STARD13: variants seen among roughly 807,000 people sequenced by gnomAD.
STARD13 encodes the protein stAR-related lipid transfer protein 13.
STARD13 carries 62 observed loss-of-function variants against 106.4 expected under a neutral mutation model. That is an observed-to-expected ratio of 0.58 (90% confidence interval 0.48 to 0.72). The LOEUF is 0.72. Among genes scored for constraint, STARD13 ranks in the 30% least tolerant of loss-of-function variants. The probability of loss-of-function intolerance (pLI) is 0.00; values close to 1 mark genes in which losing one functional copy is unlikely to be tolerated. For missense variants in STARD13, 1,387 were observed against 1,424.0 expected (o/e 0.97, Z 0.42); for synonymous variants, 565 against 553.0 (o/e 1.02, Z -0.31).
chr13:33,237,886 A>T (rs781671229), intron 1 of STARD13, among the ~76,000 whole-genome samples: 3 of 152,254 alleles, frequency 2.0e-5, no homozygotes, highest in Non-Finnish European at 4.4e-5. Context: ...GATTCAAAGA[A>T]CTGTTTCATC....
In STARD13 at chr13:33,165,382, T is replaced by A. The variant is rs1883198971; in HGVS notation, c.278A>T (p.Asn93Ile). Residue 93 changes from asparagine (N) to isoleucine (I), a missense_variant, in exon 3 of 14, where the codon AAT becomes ATT. Coordinates refer to ENST00000336934, the MANE Select transcript of STARD13 (RefSeq NM_178006.4). ...GTCCTTTTCAAGAAAATCATGATCA[T>A]TCTTGACAGCCACAATGTTGATGGG... ...QFPINIVAVK[N>I]DHDFLEKDLV... is the part of the protein sequence containing the mutation. 1 of 1,613,902 alleles carries A rather than the reference T, an allele frequency of 6.2e-7. No homozygotes were observed. The highest frequency in any genetic ancestry group is 1.3e-5 in the African/African-American group (1 of 74,936).
the STARD13 span, among the ~76,000 whole-genome samples, chr13:33,362,503 C>G: frequency 6.6e-6 from 1 of 152,160 alleles, no homozygotes; most frequent in African/African-American, 2.4e-5. Context: ...CCTGAGAAAT[C>G]CTTTGGATTT....
At chr13:33,158,671 T>A (rs1882266256) in intron 3 of STARD13, 1 of 152,226 alleles carries the variant, frequency 6.6e-6, no homozygotes, top group Non-Finnish European at 1.5e-5. Flanking sequence ...TGTCTTGGCA[T>A]CCATCATGAC....
At chr13:33,535,134 G>C in the STARD13 span, among the ~76,000 whole-genome samples, 1 of 152,084 alleles carries the variant, frequency 6.6e-6, no homozygotes, top group Non-Finnish European at 1.5e-5. Context: ...AAAATCGCTT[G>C]AACCCAGGAG....
chr13:33,607,984 T>C, the STARD13 span, among the ~76,000 whole-genome samples: 2 of 152,126 alleles, frequency 1.3e-5, no homozygotes, highest in Non-Finnish European at 2.9e-5. Context: ...ATCCTAGCCT[T>C]TGGCAGCCTC....
At position 33,105,541 on chromosome 13, in the gene STARD13, C is replaced by A; in HGVS notation, c.*52G>T. On this transcript the variant is annotated 3_prime_UTR_variant, in exon 14 of 14. Coordinates refer to ENST00000336934, the MANE Select transcript of STARD13 (RefSeq NM_178006.4). ...TCTCACATGCACACTCTCTGCCACA[C>A]TCGTCACTTTAGCTTCCTCTTCCCT... 1 of 1,294,088 alleles carries A rather than the reference C, an allele frequency of 7.7e-7. No homozygotes were observed. The highest frequency in any genetic ancestry group is 1.7e-5 in the Admixed American group (1 of 59,602). 80.2% of individuals were successfully genotyped at this position (1,294,088 alleles called of 1,614,324 possible).
chr13:33,169,105 C>T (rs947467841), intron 1 of STARD13, among the ~76,000 whole-genome samples: 1 of 152,140 alleles, frequency 6.6e-6, no homozygotes, highest in Non-Finnish European at 1.5e-5. Context: ...TACCATGTAC[C>T]CATTCCTGCC....
intron 1 of STARD13, among the ~76,000 whole-genome samples, chr13:33,321,722 C>T (rs9597207): frequency 0.16 from 24,599 of 152,104 alleles, 2,608 homozygotes; most frequent in Non-Finnish European, 0.22. Context: ...CGGGGCTTTC[C>T]TGCTCTCTGG....
At chr13:33,318,884 C>A (rs1893443574) in intron 1 of STARD13, among the ~76,000 whole-genome samples, 1 of 151,982 alleles carries the variant, frequency 6.6e-6, no homozygotes, top group African/African-American at 2.4e-5. Flanking sequence ...AGGATAATTA[C>A]AATAAAAAAG....
the STARD13 span, among the ~76,000 whole-genome samples, chr13:33,623,428 T>TAAAAAA: frequency 4.0e-4 from 24 of 59,342 alleles, no homozygotes; most frequent in East Asian, 1.0e-3. Flanking sequence ...CTCAATAAAG[T>TAAAAAA]AAAAAAAAAA....
At chr13:33,225,797 A>G (rs1251648054) in intron 1 of STARD13, among the ~76,000 whole-genome samples, 4 of 152,210 alleles carry the variant, frequency 2.6e-5, no homozygotes, top group African/African-American at 7.2e-5. Context: ...TTTCCTTCTA[A>G]TAGTAACATT....
chr13:33,188,457 T>G (rs905500448), intron 1 of STARD13, among the ~76,000 whole-genome samples: 4 of 152,066 alleles, frequency 2.6e-5, no homozygotes, highest in Admixed American at 2.6e-4. Context: ...TGAGAAAAAT[T>G]TCTGGTTATG....
At chr13:33,659,503 T>C in the STARD13 span, among the ~76,000 whole-genome samples, 1 of 152,362 alleles carries the variant, frequency 6.6e-6, no homozygotes, top group South Asian at 2.1e-4. Flanking sequence ...TGTGAGCCAC[T>C]GCTCCCAGCC....
the STARD13 span, among the ~76,000 whole-genome samples, chr13:33,516,376 C>T: frequency 6.6e-6 from 1 of 151,292 alleles, no homozygotes; most frequent in Non-Finnish European, 1.5e-5. Flanking sequence ...ACACCGAGAA[C>T]ATTTTTGAAT....
the STARD13 span, among the ~76,000 whole-genome samples, chr13:33,575,106 G>A: frequency 3.0e-4 from 46 of 151,538 alleles, 1 homozygote; most frequent in Admixed American, 3.0e-3. Context: ...TAGTAGAGAT[G>A]GGGGTTTCAC....
chr13:33,554,965 G>A, the STARD13 span, among the ~76,000 whole-genome samples: 1 of 152,074 alleles, frequency 6.6e-6, no homozygotes, highest in East Asian at 1.9e-4. Flanking sequence ...GGGCATTTTC[G>A]TTTAGTAGGT....
chr13:33,191,965 G>C (rs1028230686), intron 1 of STARD13, among the ~76,000 whole-genome samples: 2 of 152,238 alleles, frequency 1.3e-5, no homozygotes, highest in African/African-American at 4.8e-5. Flanking sequence ...ACTGCAGCCA[G>C]CCTGCAAATC....
downstream of STARD13, among the ~76,000 whole-genome samples, chr13:33,348,052 AAGG>A (rs943013830): frequency 2.0e-5 from 3 of 152,270 alleles, no homozygotes; most frequent in Non-Finnish European, 2.9e-5. Context: ...TTGCTTAGAG[AAGG>A]AGAAGTTGAA....
chr13:33,472,974 T>A, the STARD13 span, among the ~76,000 whole-genome samples: 1 of 152,190 alleles, frequency 6.6e-6, no homozygotes, highest in Admixed American at 6.5e-5. Context: ...TGACATGGCC[T>A]CAGGAACTCT....
Sources: allele counts gnomAD v4.1 joint callset (sites outside exome capture counted in the v4.1 genomes callset), GRCh38; gene constraint gnomAD v4.1.1; transcripts MANE v1.5; gene names NCBI Gene and HGNC (gene_info 2026-07-23, HGNC 2026-07-21).